Variants in DNA2 observed in about 807,000 individuals in gnomAD.
DNA2 encodes DNA replication helicase/nuclease 2.
DNA2 carries 101 observed loss-of-function variants against 119.1 expected under a neutral mutation model. The ratio of observed to expected loss-of-function variants is 0.85; its 90% CI spans 0.72 to 1.00. The LOEUF (loss-of-function observed/expected upper bound fraction) is 1.00. Ranked by LOEUF, DNA2 falls within the 50% of genes least tolerant of loss-of-function variation. The pLI is 0.00. For missense variants in DNA2, 1,121 were observed against 1,255.5 expected, an observed-to-expected ratio of 0.89 and a Z score of 1.62; for synonymous variants, 366 against 424.4, an observed-to-expected ratio of 0.86 and a Z score of 1.69.
In DNA2 at chr10:68,430,670, G is replaced by A. The variant is rs749098755; in HGVS notation, c.1984-10C>T. ...CGTAGAGAATTCTTACCTAATAATG[G>A]GTAAGAGAAAAAAGAAAAAACAGCC... On this transcript the variant is annotated splice_polypyrimidine_tract_variant and intron_variant, in intron 13 of 20. Transcript: ENST00000358410. The A allele has an allele frequency of 1.1e-5, 17 of 1,513,542 alleles. No individual in the cohort carries two copies. The highest frequency in any genetic ancestry group is 6.5e-5 in the South Asian group (5 of 76,858). The allele number at this position is 1,513,542 out of a possible 1,614,324, so 93.8% of individuals were successfully genotyped here.
At chr10:68,434,479 C>A (rs116932517) in intron 10 of DNA2, among the ~76,000 whole-genome samples, 1 of 151,866 alleles carries the variant, frequency 6.6e-6, no homozygotes, top group Admixed American at 6.6e-5. Flanking sequence ...GAGACCCCCC[C>A]CATCTCTACA....
At chr10:68,428,887 T>C (rs2051778617) in intron 14 of DNA2, among the ~76,000 whole-genome samples, 1 of 152,160 alleles carries the variant, frequency 6.6e-6, no homozygotes, top group African/African-American at 2.4e-5. Flanking sequence ...ATAGGGACTG[T>C]ATCAATGTCA....
At chr10:68,423,469 A>G (rs185362296) in intron 14 of DNA2, among the ~76,000 whole-genome samples, 101 of 152,290 alleles carry the variant, frequency 6.6e-4, no homozygotes, top group Non-Finnish European at 1.2e-3. Context: ...CTGCAACCAA[A>G]GTCTGCTCTC....
At chr10:68,429,785 TA>T (rs986085210) in intron 14 of DNA2, among the ~76,000 whole-genome samples, 15 of 139,846 alleles carry the variant, frequency 1.1e-4, no homozygotes, top group Admixed American at 8.1e-4. Context: ...AATAACAAAA[TA>T]AAATAAAAAT....
chr10:68,450,273 A>C, intron 5 of DNA2, 26 bp from the exon 6 acceptor site: 1 of 1,479,216 alleles, frequency 6.8e-7, no homozygotes, highest in Non-Finnish European at 9.2e-7. Flanking sequence ...GCACAAAAAC[A>C]CTTAATTAGA....
chr10:68,451,281 T>A (rs77207391), intron 5 of DNA2, among the ~76,000 whole-genome samples: 3,706 of 152,088 alleles, frequency 0.024, 140 homozygotes, highest in African/African-American at 0.085. Flanking sequence ...TCTCCCACTA[T>A]CAATATTTAA....
At chr10:68,448,311 G>A (rs565140453) in intron 6 of DNA2, among the ~76,000 whole-genome samples, 34 of 152,144 alleles carry the variant, frequency 2.2e-4, no homozygotes, top group African/African-American at 5.8e-4. Context: ...GAAATTCTTC[G>A]GAGAAACCAT....
At chr10:68,429,880 G>A (rs1407691137) in intron 14 of DNA2, among the ~76,000 whole-genome samples, 2 of 143,500 alleles carry the variant, frequency 1.4e-5, no homozygotes, top group Admixed American at 1.4e-4. Context: ...TAAAAAACCC[G>A]GATTTTTTTT....
At position 68,471,823 on chromosome 10, in the gene DNA2, A is replaced by G; in HGVS notation, c.42T>C (p.Ser14=). The change falls in exon 1 of 21, where the codon AGT becomes AGC. Residue 14 remains serine (S), a synonymous_variant. Coordinates refer to ENST00000358410, the MANE Select transcript of DNA2 (RefSeq NM_001080449.3). ...LNELELLMEK[S]FWEEAELPAE... ...CCGGCAGCTCCGCCTCCTCCCAAAA[A>G]CTCTTCTCCATCAGCAGCTCCAGTT... 1 of 1,610,202 alleles carries G rather than the reference A, an allele frequency of 6.2e-7. No individual in the cohort carries two copies. The highest frequency in any genetic ancestry group is 8.5e-7 in the Non-Finnish European group (1 of 1,178,322).
At chr10:68,441,757 AGAGT>A (rs1258659346) in intron 9 of DNA2, among the ~76,000 whole-genome samples, 1 of 152,144 alleles carries the variant, frequency 6.6e-6, no homozygotes, top group African/African-American at 2.4e-5. Flanking sequence ...CCTGGGTGAC[AGAGT>A]GAGATTCCAT....
intron 6 of DNA2, 73 bp from the exon 7 acceptor site, chr10:68,446,486 C>T: frequency 2.2e-6 from 2 of 926,882 alleles, no homozygotes; most frequent in South Asian, 3.2e-5. Context: ...TTGCAACCAA[C>T]ACATAATTTT....
At chr10:68,424,619 T>C in intron 14 of DNA2, 1 of 1,496,112 alleles carries the variant, frequency 6.7e-7, no homozygotes, top group Non-Finnish European at 9.3e-7. Context: ...GTCACTTCCA[T>C]GCCCCCTTGC....
intron 14 of DNA2, among the ~76,000 whole-genome samples, chr10:68,428,026 C>G (rs1283507786): frequency 1.3e-5 from 2 of 149,764 alleles, no homozygotes; most frequent in Non-Finnish European, 3.0e-5. Flanking sequence ...GAGCCAAACT[C>G]CATCTCAGAA....
At chr10:68,452,514 A>G (rs1364743418) in intron 5 of DNA2, among the ~76,000 whole-genome samples, 1 of 152,176 alleles carries the variant, frequency 6.6e-6, no homozygotes, top group Non-Finnish European at 1.5e-5. Flanking sequence ...GGTTAAAAAA[A>G]CTTTTAAAGT....
intron 14 of DNA2, 56 bp from the exon 15 acceptor site, chr10:68,422,946 T>C (rs915507777): frequency 3.8e-5 from 50 of 1,305,160 alleles, no homozygotes; most frequent in Non-Finnish European, 4.9e-5. Context: ...TGTAGTTTTG[T>C]TTCTCTCATT....
intron 17 of DNA2, among the ~76,000 whole-genome samples, chr10:68,420,600 C>A (rs2051651931): frequency 6.6e-6 from 1 of 151,946 alleles, no homozygotes; most frequent in Non-Finnish European, 1.5e-5. Context: ...TTCTTGTCCC[C>A]TTTTATACAA....
At chr10:68,427,702 A>G (rs2051761679) in intron 14 of DNA2, among the ~76,000 whole-genome samples, 1 of 145,628 alleles carries the variant, frequency 6.9e-6, no homozygotes, top group Non-Finnish European at 1.5e-5. Context: ...GTAAATGCAA[A>G]TTAAAATCTC....
At chr10:68,429,758 A>G (rs532496897) in intron 14 of DNA2, among the ~76,000 whole-genome samples, 7 of 149,090 alleles carry the variant, frequency 4.7e-5, no homozygotes, top group Non-Finnish European at 7.4e-5. Context: ...AAGAACTCCC[A>G]GTATAAATAA....
intron 5 of DNA2, among the ~76,000 whole-genome samples, chr10:68,456,768 G>C (rs2133426660): frequency 6.6e-6 from 1 of 151,398 alleles, no homozygotes; most frequent in East Asian, 1.9e-4. Flanking sequence ...AAAATATTGA[G>C]AGAACATTGA....
Sources: gnomAD v4.1 joint callset for allele counts (sites outside exome capture counted in the v4.1 genomes callset) on GRCh38, gnomAD v4.1.1 for gene constraint, MANE v1.5 for transcripts, NCBI Gene and HGNC (gene_info 2026-07-23, HGNC 2026-07-21) for gene names.